Variants in GPHN observed in about 807,000 individuals in gnomAD.
The protein encoded by GPHN is gephyrin.
Under a neutral mutation model 95.5 loss-of-function variants are expected in GPHN, and 17 were observed. The observed-to-expected ratio is 0.18, with a 90% CI of 0.12 to 0.27. The LOEUF (loss-of-function observed/expected upper bound fraction) is 0.27, where lower values mean the gene tolerates loss of function less well. GPHN is among the 10% of genes least tolerant of loss of function. GPHN has a pLI of 1.00. For synonymous variants in GPHN, 320 were observed against 322.5 expected, an observed-to-expected ratio of 0.99 and a Z score of 0.08; for missense variants, 660 against 978.1, an observed-to-expected ratio of 0.67 and a Z score of 4.34.
intron 10 of GPHN, among the ~76,000 whole-genome samples, chr14:67,055,850 G>GT (rs770523748): frequency 1.3e-5 from 2 of 152,160 alleles, no homozygotes; most frequent in African/African-American, 4.8e-5. Flanking sequence ...CTTCTGGTGG[G>GT]TTCGTGATCT....
chr14:67,635,866 T>A, the GPHN span, among the ~76,000 whole-genome samples: 13 of 152,150 alleles, frequency 8.5e-5, no homozygotes, highest in East Asian at 1.9e-4. Context: ...AAATTTTTTT[T>A]AAATTTTAAA....
intron 2 of GPHN, among the ~76,000 whole-genome samples, chr14:66,719,430 G>A (rs534860746): frequency 3.7e-4 from 56 of 152,238 alleles, no homozygotes; most frequent in Admixed American, 5.2e-4. Context: ...ATGTGTGTTC[G>A]GGGGCTGAGA....
At chr14:66,873,508 A>G (rs994786834) in intron 4 of GPHN, among the ~76,000 whole-genome samples, 1 of 152,164 alleles carries the variant, frequency 6.6e-6, no homozygotes, top group Non-Finnish European at 1.5e-5. Context: ...GCTAAGATCC[A>G]CTGGTGTGAA....
At chr14:66,593,968 A>G (rs1003539219) in intron 1 of GPHN, among the ~76,000 whole-genome samples, 2 of 152,242 alleles carry the variant, frequency 1.3e-5, no homozygotes, top group African/African-American at 4.8e-5. Context: ...AATAAATTCC[A>G]TAAAGTTGTA....
the GPHN span, among the ~76,000 whole-genome samples, chr14:67,598,238 T>C: frequency 6.6e-6 from 1 of 152,130 alleles, no homozygotes; most frequent in East Asian, 1.9e-4. Context: ...AGTGTTGCAG[T>C]AGAGTTTAAA....
chr14:67,162,210 A>G (rs2082020226), intron 19 of GPHN, among the ~76,000 whole-genome samples: 1 of 152,246 alleles, frequency 6.6e-6, no homozygotes, highest in South Asian at 2.1e-4. Context: ...GCAAGATGCA[A>G]AAGATTGCTT....
intron 1 of GPHN, among the ~76,000 whole-genome samples, chr14:66,674,355 C>T (rs1184336336): frequency 6.6e-6 from 1 of 152,128 alleles, no homozygotes; most frequent in East Asian, 1.9e-4. Context: ...GCCTCAGCCT[C>T]CCAAAGTGCT....
the GPHN span, among the ~76,000 whole-genome samples, chr14:67,626,548 T>G: frequency 1.3e-5 from 2 of 152,158 alleles, no homozygotes; most frequent in African/African-American, 4.8e-5. Flanking sequence ...AGTCTCGCTC[T>G]TTCACCCAGG....
chr14:67,120,265 A>G (rs1413155985), intron 16 of GPHN, among the ~76,000 whole-genome samples: 4 of 152,176 alleles, frequency 2.6e-5, no homozygotes, highest in African/African-American at 9.7e-5. Context: ...AAACTGTAAT[A>G]AATTTCAGAC....
chr14:66,754,336 GA>G (rs1477579918), intron 2 of GPHN, among the ~76,000 whole-genome samples: 11 of 151,906 alleles, frequency 7.2e-5, no homozygotes, highest in Non-Finnish European at 1.3e-4. Flanking sequence ...ATTTATGAGG[GA>G]AAACTGATAG....
At chr14:67,030,162 T>G (rs2074127213) in intron 10 of GPHN, among the ~76,000 whole-genome samples, 1 of 152,144 alleles carries the variant, frequency 6.6e-6, no homozygotes, top group Admixed American at 6.5e-5. Flanking sequence ...CTTCAGTTTT[T>G]TTTCCAATTG....
chr14:67,113,301 C>G, intron 16 of GPHN, 130 bp downstream of exon 16: 2 of 864,096 alleles, frequency 2.3e-6, no homozygotes, highest in Non-Finnish European at 3.8e-6. Context: ...ATTCTTATAA[C>G]AGGGAAACAA....
chr14:66,626,000 T>C (rs1015475189), intron 1 of GPHN, among the ~76,000 whole-genome samples: 4 of 152,186 alleles, frequency 2.6e-5, no homozygotes, highest in Non-Finnish European at 5.9e-5. Context: ...TTGGGCTGTT[T>C]AGTTCCTTCT....
chr14:67,115,145 G>C (rs1024603615), intron 16 of GPHN, among the ~76,000 whole-genome samples: 2 of 151,862 alleles, frequency 1.3e-5, no homozygotes, highest in African/African-American at 4.8e-5. Flanking sequence ...CTTATTCAAA[G>C]TTAGTTTTTA....
chr14:67,036,242 T>C (rs1425429609), intron 10 of GPHN, among the ~76,000 whole-genome samples: 1 of 151,472 alleles, frequency 6.6e-6, no homozygotes, highest in Non-Finnish European at 1.5e-5. Context: ...ATAAAGGTCA[T>C]TTATGAAAAG....
At chr14:67,202,483 T>C in the GPHN span, among the ~76,000 whole-genome samples, 9 of 152,158 alleles carry the variant, frequency 5.9e-5, no homozygotes, top group Admixed American at 1.3e-4. Context: ...TAAACTTACA[T>C]TATATCTAAA....
At chr14:67,662,902 CAAAA>C in the GPHN span, 3,579 of 892,012 alleles carry the variant, frequency 4.0e-3, no homozygotes, top group South Asian at 5.6e-3. Context: ...GACTCTGTCT[CAAAA>C]AAAAAAAAAA....
At chr14:67,591,141 G>T in the GPHN span, among the ~76,000 whole-genome samples, 5 of 152,096 alleles carry the variant, frequency 3.3e-5, no homozygotes, top group African/African-American at 1.2e-4. Flanking sequence ...GACTAATAGA[G>T]AAGATAGGTA....
chr14:66,873,610 G>A (rs2063533040), intron 4 of GPHN, among the ~76,000 whole-genome samples: 1 of 152,164 alleles, frequency 6.6e-6, no homozygotes, highest in African/African-American at 2.4e-5. Context: ...ACGCTTGAGT[G>A]GGCAGTTTTC....
Sources: gnomAD v4.1 joint callset for allele counts (sites outside exome capture counted in the v4.1 genomes callset) on GRCh38, gnomAD v4.1.1 for gene constraint, MANE v1.5 for transcripts, NCBI Gene and HGNC (gene_info 2026-07-23, HGNC 2026-07-21) for gene names.